GRIA4: variants seen among roughly 807,000 people sequenced by gnomAD.
GRIA4 encodes the protein glutamate ionotropic receptor AMPA type subunit 4.
Under a neutral mutation model 104.0 loss-of-function variants are expected in GRIA4, and 34 were observed. The observed-to-expected ratio is 0.33, with a 90% CI of 0.25 to 0.44. The LOEUF (loss-of-function observed/expected upper bound fraction) is 0.44, where lower values mean the gene tolerates loss of function less well. GRIA4 is among the 20% of genes least tolerant of loss of function. The pLI is 1.00. For synonymous variants in GRIA4, 386 were observed against 381.9 expected, an observed-to-expected ratio of 1.01 and a Z score of -0.13; for missense variants, 750 against 1,096.5, an observed-to-expected ratio of 0.68 and a Z score of 4.46.
intron 3 of GRIA4, among the ~76,000 whole-genome samples, chr11:105,675,572 A>G (rs1353335383): frequency 1.3e-5 from 2 of 151,746 alleles, no homozygotes; most frequent in African/African-American, 4.8e-5. Flanking sequence ...TTGGAATTCA[A>G]TGTAGTGTCT....
chr11:105,784,878 C>A (rs1565233893), intron 4 of GRIA4, among the ~76,000 whole-genome samples: 2 of 151,998 alleles, frequency 1.3e-5, no homozygotes, highest in Non-Finnish European at 2.9e-5. Context: ...AGAGTACAGC[C>A]ATGATTTGTA....
At chr11:105,627,116 A>C (rs891049669) in intron 3 of GRIA4, among the ~76,000 whole-genome samples, 2 of 152,184 alleles carry the variant, frequency 1.3e-5, no homozygotes, top group Non-Finnish European at 2.9e-5. Context: ...TTGGGGGGAA[A>C]TTCAGAAATT....
intron 4 of GRIA4, among the ~76,000 whole-genome samples, chr11:105,825,747 G>A (rs1421922639): frequency 5.3e-5 from 8 of 152,100 alleles, no homozygotes; most frequent in East Asian, 3.9e-4. Context: ...TCAAGGGGTC[G>A]TTAGGTTTGT....
At chr11:105,674,861 T>C (rs961022052) in intron 3 of GRIA4, among the ~76,000 whole-genome samples, 1 of 151,906 alleles carries the variant, frequency 6.6e-6, no homozygotes, top group African/African-American at 2.4e-5. Flanking sequence ...AAGCAAGAAG[T>C]TCAGTTGTCA....
intron 3 of GRIA4, among the ~76,000 whole-genome samples, chr11:105,659,078 C>G (rs77034379): frequency 2.6e-5 from 4 of 152,060 alleles, no homozygotes; most frequent in Non-Finnish European, 5.9e-5. Flanking sequence ...ATGAACTTGG[C>G]CAAAGTCCAA....
chr11:105,853,821 G>A (rs1315287449), intron 4 of GRIA4, among the ~76,000 whole-genome samples: 5 of 152,056 alleles, frequency 3.3e-5, no homozygotes, highest in Non-Finnish European at 5.9e-5. Context: ...AGGAGATTTG[G>A]CATTATGCCT....
Position 105,615,187 on chromosome 11 carries a change from A to T in GRIA4, c.247+2753A>T, listed in dbSNP as rs147301294. 2.2e-3 allele frequency among the ~76,000 whole-genome samples: 334 copies of T among 152,066 alleles called. 1 individual carries two copies. Among genetic ancestry groups the T allele is most frequent in the African/African-American group, 7.8e-3 (323 of 41,556 alleles). ...TTATTTTGTGGAATGTATACTCAAA[A>T]AAAACACAAAGAATAAAGCGTGTTA... On this transcript the variant is annotated intron_variant, in intron 3 of 16. Transcript: ENST00000282499.
At chr11:105,815,484 T>C (rs747189827) in intron 4 of GRIA4, among the ~76,000 whole-genome samples, 4 of 152,174 alleles carry the variant, frequency 2.6e-5, no homozygotes, top group Non-Finnish European at 4.4e-5. Context: ...TTTTCATCTG[T>C]CCTCTCACCT....
At chr11:105,672,483 C>G (rs766351918) in intron 3 of GRIA4, among the ~76,000 whole-genome samples, 1 of 152,216 alleles carries the variant, frequency 6.6e-6, no homozygotes, top group African/African-American at 2.4e-5. Flanking sequence ...ATTCAGTTTA[C>G]TATAAATATA....
At chr11:105,763,818 C>G (rs1354874594) in intron 4 of GRIA4, among the ~76,000 whole-genome samples, 1 of 152,202 alleles carries the variant, frequency 6.6e-6, no homozygotes, top group Non-Finnish European at 1.5e-5. Context: ...AGATGATACC[C>G]TGCCAAAAAG....
intron 14 of GRIA4, among the ~76,000 whole-genome samples, chr11:105,942,573 A>G (rs1385317379): frequency 6.6e-6 from 1 of 152,098 alleles, no homozygotes; most frequent in Non-Finnish European, 1.5e-5. Flanking sequence ...CCACAGTCCT[A>G]CAGCTAAGAC....
intron 4 of GRIA4, among the ~76,000 whole-genome samples, chr11:105,819,189 T>C (rs994724549): frequency 1.6e-4 from 24 of 152,188 alleles, no homozygotes; most frequent in African/African-American, 5.8e-4. Flanking sequence ...TACTTATTTA[T>C]GTGCATGCTC....
At chr11:105,834,817 GT>G (rs2135942206) in intron 4 of GRIA4, among the ~76,000 whole-genome samples, 2 of 150,714 alleles carry the variant, frequency 1.3e-5, no homozygotes, top group South Asian at 4.2e-4. Context: ...CCTGCAGCAA[GT>G]TGATGTACTA....
At chr11:105,686,982 G>A (rs1053211129) in intron 3 of GRIA4, among the ~76,000 whole-genome samples, 1 of 152,092 alleles carries the variant, frequency 6.6e-6, no homozygotes, top group African/African-American at 2.4e-5. Context: ...TGGATGCTTA[G>A]TTAGTGAAAT....
Position 105,911,775 on chromosome 11 carries a change from AATATATATATATATATATATATATAT to A in GRIA4, c.1269+1239_1269+1264del, listed in dbSNP as rs60005308. ...AATATTTGCATGGGACTTGAAAAGC[AATATATATATATATATATATATATAT>A]ATATATATGTTTCTTTTCCTAAAAA... On this transcript the variant is annotated intron_variant, in intron 10 of 16. Transcript: ENST00000282499. The A allele has an allele frequency of 6.7e-5, 5 of 74,656 alleles. 1 individual carries two copies. Among genetic ancestry groups the A allele is most frequent in the Non-Finnish European group, 1.0e-4 (4 of 39,092 alleles). 4.6% of individuals were successfully genotyped at this position (74,656 alleles called of 1,614,324 possible).
At chr11:105,883,116 AG>A (rs1409450557) in intron 5 of GRIA4, among the ~76,000 whole-genome samples, 1 of 152,100 alleles carries the variant, frequency 6.6e-6, no homozygotes, top group East Asian at 1.9e-4. Context: ...CCCCACACAC[AG>A]GGAAAAAAAA....
At chr11:105,868,394 T>A (rs1296945464) in intron 5 of GRIA4, among the ~76,000 whole-genome samples, 12 of 152,096 alleles carry the variant, frequency 7.9e-5, no homozygotes, top group Admixed American at 7.9e-4. Context: ...ATTACACCAG[T>A]TTAGTTGTCT....
At chr11:105,906,599 A>T (rs944332667) in intron 9 of GRIA4, among the ~76,000 whole-genome samples, 2 of 152,170 alleles carry the variant, frequency 1.3e-5, no homozygotes, top group Non-Finnish European at 2.9e-5. Flanking sequence ...CTGCCGTGAA[A>T]ACCATCTCTA....
intron 4 of GRIA4, among the ~76,000 whole-genome samples, chr11:105,798,799 T>C (rs1942598896): frequency 6.6e-6 from 1 of 152,068 alleles, no homozygotes; most frequent in South Asian, 2.1e-4. Flanking sequence ...AAAACAGAAT[T>C]GTCATTACTG....
Sources: gnomAD v4.1 joint callset for allele counts (sites outside exome capture counted in the v4.1 genomes callset) on GRCh38, gnomAD v4.1.1 for gene constraint, MANE v1.5 for transcripts, NCBI Gene and HGNC (gene_info 2026-07-23, HGNC 2026-07-21) for gene names.